The following PHACTR2 variants were observed in gnomAD, a reference collection of about 807,000 sequenced individuals.
The protein encoded by PHACTR2 is phosphatase and actin regulator 2, also known as chromosome 6 open reading frame 56.
A neutral mutation model predicts 76.0 loss-of-function variants in PHACTR2; 30 were observed. The ratio of observed to expected loss-of-function variants is 0.39; its 90% CI spans 0.30 to 0.54. The LOEUF is 0.54. Ranked by LOEUF, PHACTR2 falls within the 20% of genes least tolerant of loss-of-function variation. PHACTR2 has a pLI of 0.61. For synonymous variants in PHACTR2, 292 were observed against 292.5 expected, an observed-to-expected ratio of 1.00 and a Z score of 0.02; for missense variants, 696 against 781.1, an observed-to-expected ratio of 0.89 and a Z score of 1.30.
chr6:143,707,070 G>T (rs1778071570), intron 1 of PHACTR2, among the ~76,000 whole-genome samples: 1 of 152,014 alleles, frequency 6.6e-6, no homozygotes, highest in African/African-American at 2.4e-5. Context: ...TATGTTCTGT[G>T]GCTTTTAAAG....
rs771350582 is a variant in PHACTR2 at position 143,783,290 on chromosome 6, T to C, written c.1707+10T>C. On this transcript the variant is annotated intron_variant, in intron 10 of 12. Transcript: ENST00000440869. This position sits in a 1 kb window ranked among gnomAD's most constrained non-coding sequence, Gnocchi z 5.2. Reference sequence around the variant, plus strand: ...CAGACTCAGCAGAAAGGTAATGAAATCATAACTATTAATGAGCATATGTGT... The same window carrying C: ...CAGACTCAGCAGAAAGGTAATGAAACCATAACTATTAATGAGCATATGTGT... 6.4e-6 allele frequency: 10 copies of C among 1,562,504 alleles called. No individual in the cohort carries two copies. In the Admixed American group the frequency reaches 1.5e-4, roughly 24 times the overall value.
rs1028965190 is a variant in PHACTR2 at position 143,652,126 on chromosome 6, C to T, written c.13+43804C>T. ...TTCTGCTTTATACTAAAAATGATGG[C>T]GGTGATGGGGGAACCGTTTACTAGG... On this transcript the variant is annotated intron_variant, in intron 1 of 11. Coordinates refer to the PHACTR2 transcript ENST00000305766. The surrounding 1 kb of genome is among the most constrained non-coding windows in gnomAD (Gnocchi z 4.5). 2.0e-5 allele frequency among the ~76,000 whole-genome samples: 3 copies of T among 149,950 alleles called. No individual in the cohort carries two copies. The highest frequency in any genetic ancestry group is 2.0e-4 in the East Asian group (1 of 5,120).
At chr6:143,538,356 A>G (rs1243257913) in intron 1 of PHACTR2, among the ~76,000 whole-genome samples, 1 of 152,250 alleles carries the variant, frequency 6.6e-6, no homozygotes, top group Non-Finnish European at 1.5e-5. Context: ...TTAAGTAATC[A>G]TTTTAAACTG....
chr6:143,820,001 A>C lies in PHACTR2; in HGVS notation c.1923-3673A>C, dbSNP rs1284114772. On this transcript the variant is annotated intron_variant, in intron 12 of 12. Transcript: ENST00000440869. This position sits in a 1 kb window ranked among gnomAD's most constrained non-coding sequence, Gnocchi z 4.2. The stretch of plus-strand genomic sequence containing the variant: ...TCACGGCAGAAAGCGAAGGGGGAGC[A>C]GGCACATCACATGGCAAGAATGGGA... 2.0e-5 allele frequency among the ~76,000 whole-genome samples: 3 copies of C among 152,200 alleles called. No homozygotes were observed. The East Asian group carries it at 5.8e-4, about 29-fold the overall frequency.
intron 2 of PHACTR2, among the ~76,000 whole-genome samples, chr6:143,744,203 C>A (rs1779004522): frequency 6.6e-6 from 1 of 152,156 alleles, no homozygotes; most frequent in South Asian, 2.1e-4. Context: ...CTGGCCCAGC[C>A]AAGAATTAAG....
At position 143,641,803 on chromosome 6, in the gene PHACTR2, G is replaced by C. The variant is rs746113479; in HGVS notation, c.13+33481G>C. ...TTACAGGTATGAGCCACCGCACCCA[G>C]CCAAATTTCTGTTGTTTTAAGTCAC... is the stretch of plus-strand genomic sequence containing the variant. On this transcript the variant is annotated intron_variant, in intron 1 of 11. Transcript: ENST00000305766. The surrounding 1 kb of genome is among the most constrained non-coding windows in gnomAD (Gnocchi z 5.8). Among the ~76,000 whole-genome samples the C allele has an allele frequency of 2.0e-5, 3 of 152,156 alleles. No individual in the cohort carries two copies. The highest frequency in any genetic ancestry group is 4.4e-5 in the Non-Finnish European group (3 of 68,036).
At chr6:143,655,353 T>A (rs547674799) in intron 1 of PHACTR2, among the ~76,000 whole-genome samples, 2 of 151,970 alleles carry the variant, frequency 1.3e-5, no homozygotes, top group Non-Finnish European at 2.9e-5. Context: ...GGGCATAGGG[T>A]TTCTTACTGG....
In PHACTR2 at chr6:143,820,551, C is replaced by G. The variant is rs1238952657; in HGVS notation, c.1923-3123C>G. Among the ~76,000 whole-genome samples, 1 of 152,208 alleles carries G rather than the reference C, an allele frequency of 6.6e-6. No individual in the cohort carries two copies. The highest frequency in any genetic ancestry group is 1.9e-4 in the East Asian group (1 of 5,192). ...AAAATAATCTCCTCTGACTCCATGTCCCATGTCCTGGGTACTCTGGTGTAA... is the reference window on the plus strand; with the variant it reads ...AAAATAATCTCCTCTGACTCCATGTGCCATGTCCTGGGTACTCTGGTGTAA... On this transcript the variant is annotated intron_variant, in intron 12 of 12. Coordinates refer to ENST00000440869, the MANE Select transcript of PHACTR2 (RefSeq NM_001100164.2). The surrounding 1 kb of genome is among the most constrained non-coding windows in gnomAD (Gnocchi z 4.2).
Position 143,678,972 on chromosome 6 carries a change from C to T in PHACTR2, c.46+763C>T, listed in dbSNP as rs1384388105. On this transcript the variant is annotated intron_variant, in intron 1 of 12. Transcript: ENST00000440869. The surrounding 1 kb of genome is among the most constrained non-coding windows in gnomAD (Gnocchi z 6.2). ...AAAAAAAAACTGTTTGGTGGTGTTA[C>T]TTGTGATTGGATAAGGAAATAAATT... Among the ~76,000 whole-genome samples the T allele has an allele frequency of 6.6e-6, 1 of 150,924 alleles. No individual in the cohort carries two copies. The highest frequency in any genetic ancestry group is 6.6e-5 in the Admixed American group (1 of 15,156).
chr6:143,668,874 G>A (rs1777095225), intron 1 of PHACTR2, among the ~76,000 whole-genome samples: 1 of 151,984 alleles, frequency 6.6e-6, no homozygotes, highest in Non-Finnish European at 1.5e-5. Context: ...TTCTCCTTCA[G>A]TTCTGCTCTG....
chr6:143,755,819 G>A lies in PHACTR2; in HGVS notation c.454+1907G>A, dbSNP rs942246863. Among the ~76,000 whole-genome samples the A allele has an allele frequency of 1.3e-5, 2 of 152,142 alleles. No homozygotes were observed. Among genetic ancestry groups the A allele is most frequent in the Non-Finnish European group, 2.9e-5 (2 of 68,024 alleles). ...TGTCACGCATAACTAATATTACAGT[G>A]TATTATGTTAATTAGAAAATGCCTT... On this transcript the variant is annotated intron_variant, in intron 4 of 12. Transcript: ENST00000440869. This position sits in a 1 kb window ranked among gnomAD's most constrained non-coding sequence, Gnocchi z 5.2.
rs1377325008 is a variant in PHACTR2, at chr6:143,700,371, A to C, written c.47-11645A>C. ...GGAGTTTGAGACTGGCCTGGCCAAC[A>C]TGGTGAAACCGCGTCTCTACTAAAA... On this transcript the variant is annotated intron_variant, in intron 1 of 12. Transcript: ENST00000440869. The surrounding 1 kb of genome is among the most constrained non-coding windows in gnomAD (Gnocchi z 4.1). Among the ~76,000 whole-genome samples the C allele has an allele frequency of 1.3e-5, 2 of 152,134 alleles. No homozygotes were observed. Among genetic ancestry groups the C allele is most frequent in the African/African-American group, 4.8e-5 (2 of 41,434 alleles).
chr6:143,685,843 G>A (rs1236208349), intron 1 of PHACTR2, among the ~76,000 whole-genome samples: 1 of 152,088 alleles, frequency 6.6e-6, no homozygotes, highest in Non-Finnish European at 1.5e-5. Context: ...CATAAAATGT[G>A]CACTTAGGCC....
At chr6:143,781,050 G>A (rs575823256) in intron 9 of PHACTR2, among the ~76,000 whole-genome samples, 25 of 152,294 alleles carry the variant, frequency 1.6e-4, no homozygotes, top group African/African-American at 5.1e-4. Context: ...ATGCTGAGGC[G>A]GGAGGATCAC....
Position 143,760,414 on chromosome 6 carries a change from C to A in PHACTR2, c.468C>A (p.Asn156Lys), listed in dbSNP as rs558308201. 1.5e-5 allele frequency: 24 copies of A among 1,611,186 alleles called. No individual in the cohort carries two copies. In the African/African-American group the frequency reaches 2.7e-4, roughly 18 times the overall value. The change falls in exon 5 of 13, where the codon AAC (asparagine) becomes AAA (lysine). Residue 156 changes from asparagine (N) to lysine (K), a missense_variant. Around this residue, in one of 2 missense-constraint regions of PHACTR2, gnomAD observed 460 missense variants for 450.9 expected, o/e 1.02. Coordinates refer to ENST00000440869, the MANE Select transcript of PHACTR2 (RefSeq NM_001100164.2). The surrounding 1 kb of genome is among the most constrained non-coding windows in gnomAD (Gnocchi z 6.4). ...TCTCGTTTATAGAGAACACTGAAAA[C>A]CACTCTGAAACACCGGCAGCTCCTG... is the stretch of plus-strand genomic sequence containing the variant. ...QAEDKKENTE[N>K]HSETPAAPAL...
At chr6:143,565,087 A>C (rs1775343642) in intron 1 of PHACTR2, among the ~76,000 whole-genome samples, 1 of 152,212 alleles carries the variant, frequency 6.6e-6, no homozygotes, top group Non-Finnish European at 1.5e-5. Context: ...AGTGGCTGGA[A>C]TGGAATGAAA....
rs1776063297 is a variant in PHACTR2, at chr6:143,616,681, T to A, written c.13+8359T>A. Reference sequence around the variant, plus strand: ...CTAGTAGAGAAAGCAAAATTAGTAATGAATAGACAAAATGCTTGGGGTTGT... The same window carrying A: ...CTAGTAGAGAAAGCAAAATTAGTAAAGAATAGACAAAATGCTTGGGGTTGT... On this transcript the variant is annotated intron_variant, in intron 1 of 11. Transcript: ENST00000305766. The surrounding 1 kb of genome is among the most constrained non-coding windows in gnomAD (Gnocchi z 4.9). Among the ~76,000 whole-genome samples the A allele has an allele frequency of 6.6e-6, 1 of 152,116 alleles. No individual in the cohort carries two copies. The highest frequency in any genetic ancestry group is 1.5e-5 in the Non-Finnish European group (1 of 68,018).
rs114226989 is a variant in PHACTR2, at chr6:143,569,938, C to T, written c.217+32731C>T. 3.6e-3 allele frequency among the ~76,000 whole-genome samples: 547 copies of T among 152,278 alleles called. 3 individuals are homozygous for T. The highest frequency in any genetic ancestry group is 0.012 in the African/African-American group (498 of 41,546). On this transcript the variant is annotated intron_variant, in intron 1 of 11. Coordinates refer to the PHACTR2 transcript ENST00000367584. Reference sequence around the variant, plus strand: ...TGGAATGTCTTAAAGAAATCTCCACCAGACCAGGAGATTTTCATTTTTGAC... The same window carrying T: ...TGGAATGTCTTAAAGAAATCTCCACTAGACCAGGAGATTTTCATTTTTGAC...
chr6:143,643,926 G>A (rs1304127092), intron 1 of PHACTR2, among the ~76,000 whole-genome samples: 1 of 152,026 alleles, frequency 6.6e-6, no homozygotes, highest in Non-Finnish European at 1.5e-5. Flanking sequence ...GTTGCTTACT[G>A]GATATCAAAA....
Sources: allele counts gnomAD v4.1 joint callset (sites outside exome capture counted in the v4.1 genomes callset), GRCh38; gene constraint gnomAD v4.1.1; regional missense constraint gnomAD v4.1.1; non-coding constraint Gnocchi (gnomAD v3.1); transcripts MANE v1.5; gene names NCBI Gene and HGNC (gene_info 2026-07-23, HGNC 2026-07-21).